RFTN1: variants seen among roughly 807,000 people sequenced by gnomAD.
RFTN1 encodes the protein raftlin.
RFTN1 carries 26 observed loss-of-function variants against 46.5 expected under a neutral mutation model. The ratio of observed to expected loss-of-function variants is 0.56; its 90% CI spans 0.41 to 0.78. The LOEUF (loss-of-function observed/expected upper bound fraction) is 0.78. RFTN1 is among the 30% of genes least tolerant of loss of function. The pLI is 0.00. For synonymous variants in RFTN1, 261 were observed against 284.2 expected (o/e 0.92, Z 0.82); for missense variants, 693 against 718.7 (o/e 0.96, Z 0.41).
intron 2 of RFTN1, among the ~76,000 whole-genome samples, chr3:16,453,727 G>C (rs934920478): frequency 1.3e-5 from 2 of 152,162 alleles, no homozygotes; most frequent in African/African-American, 4.8e-5. Context: ...AGAAAAATAA[G>C]AATAGTTACA....
chr3:16,505,040 T>C (rs2076779556), intron 1 of RFTN1, among the ~76,000 whole-genome samples: 1 of 152,190 alleles, frequency 6.6e-6, no homozygotes, highest in African/African-American at 2.4e-5. Flanking sequence ...TCCTCCACTT[T>C]ATTCTCCAAA....
At chr3:16,406,673 T>C (rs1466008956) in intron 4 of RFTN1, among the ~76,000 whole-genome samples, 1 of 152,234 alleles carries the variant, frequency 6.6e-6, no homozygotes, top group Admixed American at 6.5e-5. Context: ...CTTCACTTAA[T>C]GTTGTCAATA....
At position 16,483,217 on chromosome 3, in the gene RFTN1, C is replaced by G. The variant is rs888393142; in HGVS notation, c.145+10508G>C. On this transcript the variant is annotated intron_variant, in intron 2 of 9. Transcript: ENST00000334133. The surrounding 1 kb of genome is among the most constrained non-coding windows in gnomAD (Gnocchi z 4.8). Reference sequence around the variant, plus strand: ...AACAAACACTTCAGAGTACTTGAGGCTCTATCTAAAGGAACCCCATGGTGA... The same window carrying G: ...AACAAACACTTCAGAGTACTTGAGGGTCTATCTAAAGGAACCCCATGGTGA... Among the ~76,000 whole-genome samples the G allele has an allele frequency of 6.6e-6, 1 of 152,222 alleles. No individual in the cohort carries two copies. The highest frequency in any genetic ancestry group is 1.5e-5 in the Non-Finnish European group (1 of 68,030).
At position 16,345,788 on chromosome 3, in the gene RFTN1, CTGTGTGTGTGTG is replaced by C. The variant is rs370820242; in HGVS notation, c.1146+12132_1146+12143del. On this transcript the variant is annotated intron_variant, in intron 7 of 9. Coordinates refer to ENST00000334133, the MANE Select transcript of RFTN1 (RefSeq NM_015150.2). This position sits in a 1 kb window ranked among gnomAD's most constrained non-coding sequence, Gnocchi z 5.2. ...TGAGCCAAAACCTTATAATAAATCT[CTGTGTGTGTGTG>C]TGTGTGTGTGTGTGTGTGCGCGCGC... 5.5e-5 allele frequency among the ~76,000 whole-genome samples: 7 copies of C among 127,174 alleles called. No individual in the cohort carries two copies. The highest frequency in any genetic ancestry group is 4.4e-4 in the East Asian group (2 of 4,542). The allele number at this position is 127,174 out of a possible 152,430, so 83.4% of individuals were successfully genotyped here.
In RFTN1 at chr3:16,356,618, A is replaced by G. The variant is rs1460686468; in HGVS notation, c.1146+1314T>C. 6.6e-6 allele frequency among the ~76,000 whole-genome samples: 1 copy of G among 152,224 alleles called. No homozygotes were observed. Among genetic ancestry groups the G allele is most frequent in the Non-Finnish European group, 1.5e-5 (1 of 68,040 alleles). On this transcript the variant is annotated intron_variant, in intron 7 of 9. Transcript: ENST00000334133. The surrounding 1 kb of genome is among the most constrained non-coding windows in gnomAD (Gnocchi z 4.9). ...CCATCCCATCTCCACTTCAATAACC[A>G]GGCAAGGGACTGCCTCAAGGCTGCA...
chr3:16,350,609 G>A (rs1477665200), intron 7 of RFTN1, among the ~76,000 whole-genome samples: 1 of 152,092 alleles, frequency 6.6e-6, no homozygotes, highest in Non-Finnish European at 1.5e-5. Flanking sequence ...AGTACTGAAG[G>A]CGCTGCTAAA....
Position 16,433,995 on chromosome 3 carries a change from C to T in RFTN1, c.188G>A (p.Arg63His), listed in dbSNP as rs750036759. The T allele has an allele frequency of 6.8e-6, 11 of 1,612,204 alleles. No individual in the cohort carries two copies. Among genetic ancestry groups the T allele is most frequent in the Admixed American group, 1.7e-5 (1 of 59,882 alleles). The change falls in exon 3 of 10, where the codon CGT becomes CAT. Residue 63 changes from arginine (R) to histidine (H), a missense_variant. By Grantham distance (29) the Arg-to-His change is conservative. Transcript: ENST00000334133. The surrounding 1 kb of genome is among the most constrained non-coding windows in gnomAD (Gnocchi z 4.4). ...GSSAVRLASL[R>H]DLPAQLLELY... ...CTCCAGGAGCTGGGCGGGCAGGTCA[C>T]GCAGGGAGGCCAGCCTCACTGCTGA...
chr3:16,434,515 A>G (rs2075463615), intron 2 of RFTN1, among the ~76,000 whole-genome samples: 1 of 152,086 alleles, frequency 6.6e-6, no homozygotes, highest in African/African-American at 2.4e-5. Context: ...TGATAGGGCC[A>G]CTGCACTCTA....
intron 7 of RFTN1, among the ~76,000 whole-genome samples, chr3:16,331,845 C>T (rs546009023): frequency 3.7e-4 from 57 of 152,270 alleles, no homozygotes; most frequent in African/African-American, 1.2e-3. Context: ...CATCTGAATC[C>T]GTGCATTTCT....
In RFTN1 at chr3:16,492,510, A is replaced by G. The variant is rs542774956; in HGVS notation, c.145+1215T>C. On this transcript the variant is annotated intron_variant, in intron 2 of 9. Coordinates refer to ENST00000334133, the MANE Select transcript of RFTN1 (RefSeq NM_015150.2). ...GACTGGGAAGCTCAGTGATTTACCCAGTTGCTCTGAGGCAGAGCCAGGACT... is the reference window on the plus strand; with the variant it reads ...GACTGGGAAGCTCAGTGATTTACCCGGTTGCTCTGAGGCAGAGCCAGGACT... Among the ~76,000 whole-genome samples, 54 of 152,300 alleles carry G rather than the reference A, an allele frequency of 3.5e-4. 1 individual carries two copies. In the South Asian group the frequency reaches 5.6e-3, roughly 16 times the overall value.
rs866893086 is a variant in RFTN1, at chr3:16,498,650, T to C, written c.-8-4773A>G. On this transcript the variant is annotated intron_variant, in intron 1 of 9. Coordinates refer to ENST00000334133, the MANE Select transcript of RFTN1 (RefSeq NM_015150.2). The surrounding 1 kb of genome is among the most constrained non-coding windows in gnomAD (Gnocchi z 5.2). ...TCTTTGGAAAGGGAGACACAGGAAG[T>C]AGTTGCTGGCCATCAAAACCTTAGT... is the stretch of plus-strand genomic sequence containing the variant. Among the ~76,000 whole-genome samples, 4 of 152,282 alleles carry C rather than the reference T, an allele frequency of 2.6e-5. No individual in the cohort carries two copies. Among genetic ancestry groups the C allele is most frequent in the African/African-American group, 9.6e-5 (4 of 41,540 alleles).
In RFTN1 at chr3:16,489,083, G is replaced by A. The variant is rs780861829; in HGVS notation, c.145+4642C>T. On this transcript the variant is annotated intron_variant, in intron 2 of 9. Transcript: ENST00000334133. The surrounding 1 kb of genome is among the most constrained non-coding windows in gnomAD (Gnocchi z 4.0). Reference sequence around the variant, plus strand: ...AGAGCTAGGTTTTGAAAAAGAGTACGTACTATTTGATTCCATTTATATAAC... The same window carrying A: ...AGAGCTAGGTTTTGAAAAAGAGTACATACTATTTGATTCCATTTATATAAC... Among the ~76,000 whole-genome samples the A allele has an allele frequency of 3.8e-4, 58 of 152,208 alleles. No individual in the cohort carries two copies. The highest frequency in any genetic ancestry group is 1.3e-3 in the African/African-American group (52 of 41,536).
At chr3:16,323,604 CTCCCA>C in intron 8 of RFTN1, 147 bp from the exon 9 acceptor site, 1 of 574,072 alleles carries the variant, frequency 1.7e-6, no homozygotes, top group Non-Finnish European at 3.0e-6. Flanking sequence ...TACTCTTCCG[CTCCCA>C]GGCCATCCAA....
rs904155705 is a variant in RFTN1 at position 16,327,292 on chromosome 3, ATCAAG to A, written c.1147-421_1147-417del. On this transcript the variant is annotated intron_variant, in intron 7 of 9. Transcript: ENST00000334133. This position sits in a 1 kb window ranked among gnomAD's most constrained non-coding sequence, Gnocchi z 4.2. ...GGAGTTAACTTACATTTGACAAATG[ATCAAG>A]TCGTTTATGTCCAGCCACAGCAACA... 1.3e-5 allele frequency among the ~76,000 whole-genome samples: 2 copies of A among 152,132 alleles called. No homozygotes were observed. The highest frequency in any genetic ancestry group is 4.8e-5 in the African/African-American group (2 of 41,404).
At chr3:16,388,900 T>TG (rs999599328) in intron 4 of RFTN1, among the ~76,000 whole-genome samples, 1 of 152,190 alleles carries the variant, frequency 6.6e-6, no homozygotes, top group African/African-American at 2.4e-5. Context: ...ATTACAAGCT[T>TG]GGGGTTAAGA....
rs761622413 is a variant in RFTN1 at position 16,422,586 on chromosome 3, G to A, written c.332+11265C>T. Among the ~76,000 whole-genome samples, 11 of 151,410 alleles carry A rather than the reference G, an allele frequency of 7.3e-5. No individual in the cohort carries two copies. The highest frequency in any genetic ancestry group is 1.3e-4 in the Non-Finnish European group (9 of 67,888). On this transcript the variant is annotated intron_variant, in intron 3 of 9. Transcript: ENST00000334133. The surrounding 1 kb of genome is among the most constrained non-coding windows in gnomAD (Gnocchi z 4.6). ...GCGGAAGTTGCAGTGAGCCGAGATTGTGCCACTGCACTCCAGCCTGGTGAC... is the reference window on the plus strand; with the variant it reads ...GCGGAAGTTGCAGTGAGCCGAGATTATGCCACTGCACTCCAGCCTGGTGAC...
At chr3:16,469,822 A>T (rs1379708049) in intron 2 of RFTN1, among the ~76,000 whole-genome samples, 2 of 151,874 alleles carry the variant, frequency 1.3e-5, no homozygotes, top group Non-Finnish European at 2.9e-5. Flanking sequence ...GGAAGATAGG[A>T]CAAACAATCA....
chr3:16,414,548 G>C (rs1172918316), intron 3 of RFTN1, among the ~76,000 whole-genome samples: 2 of 149,618 alleles, frequency 1.3e-5, no homozygotes, highest in African/African-American at 4.9e-5. Context: ...AGGTTGCAGT[G>C]AGCCAAGATC....
chr3:16,409,234 T>C lies in RFTN1; in HGVS notation c.441+141A>G, dbSNP rs548065456. 27 of 580,210 alleles carry C rather than the reference T, an allele frequency of 4.7e-5. 1 individual carries two copies. Among genetic ancestry groups the C allele is most frequent in the Middle Eastern group, 7.0e-4 (2 of 2,844 alleles). 35.9% of individuals were successfully genotyped at this position (580,210 alleles called of 1,614,324 possible). A position where few individuals can be genotyped will look rare whatever the true frequency, so the allele number is the denominator to read the frequency against. On this transcript the variant is annotated intron_variant, in intron 4 of 9. Transcript: ENST00000334133. ...TCAGCTCTGGAGGGGGCTGCTTCCCTGTGGGGCTGCCAAAGGTTTAGGTCA... is the reference window on the plus strand; with the variant it reads ...TCAGCTCTGGAGGGGGCTGCTTCCCCGTGGGGCTGCCAAAGGTTTAGGTCA...
Sources: gnomAD v4.1 joint callset for allele counts (sites outside exome capture counted in the v4.1 genomes callset) on GRCh38, gnomAD v4.1.1 for gene constraint, Gnocchi (gnomAD v3.1) non-coding constraint, MANE v1.5 for transcripts, NCBI Gene and HGNC (gene_info 2026-07-23, HGNC 2026-07-21) for gene names.